Variants in RECQL observed in about 807,000 individuals in gnomAD.
RECQL encodes RecQ like helicase, also known as ATP-dependent DNA helicase Q1.
In RECQL, 73 loss-of-function variants were observed where a neutral mutation model predicts 75.8. The ratio of observed to expected loss-of-function variants is 0.96; its 90% CI spans 0.80 to 1.17. RECQL has a LOEUF of 1.17. Among genes scored for constraint, RECQL ranks in the 50% most tolerant of loss-of-function variants. The pLI is 0.00. For missense variants in RECQL, 699 were observed against 772.1 expected (o/e 0.91, Z 1.12); for synonymous variants, 248 against 254.4 (o/e 0.97, Z 0.24).
intron 10 of RECQL, 71 bp from the exon 11 acceptor site, chr12:21,475,050 G>A (rs1943056545): frequency 3.4e-6 from 5 of 1,488,478 alleles, no homozygotes; most frequent in Non-Finnish European, 4.6e-6. Context: ...ATGACATATG[G>A]TAAAATTAGC....
At chr12:21,479,416 G>A (rs376534374) in intron 6 of RECQL, among the ~76,000 whole-genome samples, 7 of 144,518 alleles carry the variant, frequency 4.8e-5, no homozygotes, top group Non-Finnish European at 8.9e-5. Flanking sequence ...GCAGTGACAC[G>A]ATCTTGGCTC....
At chr12:21,489,233 C>G (rs1943362932) in intron 4 of RECQL, among the ~76,000 whole-genome samples, 1 of 152,244 alleles carries the variant, frequency 6.6e-6, no homozygotes, top group African/African-American at 2.4e-5. Context: ...TGGAACACAG[C>G]TACACCCATG....
At chr12:21,478,745 G>T (rs1943134824) in intron 6 of RECQL, among the ~76,000 whole-genome samples, 1 of 152,166 alleles carries the variant, frequency 6.6e-6, no homozygotes, top group African/African-American at 2.4e-5. Context: ...TTCCAAGTTA[G>T]AGCTGACCCA....
intron 6 of RECQL, among the ~76,000 whole-genome samples, chr12:21,480,592 T>C (rs1472468162): frequency 1.3e-5 from 2 of 152,126 alleles, no homozygotes; most frequent in East Asian, 3.9e-4. Context: ...CTCTGCACAC[T>C]ACGCATCAGC....
intron 4 of RECQL, among the ~76,000 whole-genome samples, chr12:21,489,896 G>A (rs1943375718): frequency 1.3e-5 from 2 of 152,154 alleles, no homozygotes; most frequent in African/African-American, 2.4e-5. Flanking sequence ...GGCAAGGGCT[G>A]AAAAACTACC....
intron 12 of RECQL, 52 bp from the exon 13 acceptor site, chr12:21,471,699 A>G: frequency 7.1e-7 from 1 of 1,403,480 alleles, no homozygotes; most frequent in Non-Finnish European, 1.0e-6. Context: ...AAATGAGGGC[A>G]AAGATAGGCT....
In RECQL at chr12:21,490,179, T is replaced by C; in HGVS notation, c.394+20A>G. 2.0e-6 allele frequency: 3 copies of C among 1,488,460 alleles called. No homozygotes were observed. The highest frequency in any genetic ancestry group is 2.3e-5 in the East Asian group (1 of 43,800). 92.2% of individuals were successfully genotyped at this position (1,488,460 alleles called of 1,614,324 possible). A position where few individuals can be genotyped will look rare whatever the true frequency, so the allele number is the denominator to read the frequency against. ...GACAAAGCACTTCTTCAACTCAAAA[T>C]TAATTTTTTTAGTACATACCATCTG... On this transcript the variant is annotated intron_variant, in intron 4 of 14. Transcript: ENST00000444129.
At position 21,491,591 on chromosome 12, in the gene RECQL, G is replaced by A. The variant is rs772102674; in HGVS notation, c.142C>T (p.Gln48Ter). 4 of 1,612,428 alleles carry A rather than the reference G, an allele frequency of 2.5e-6. No homozygotes were observed. Among genetic ancestry groups the A allele is most frequent in the Non-Finnish European group, 3.4e-6 (4 of 1,179,766 alleles). The change falls in exon 3 of 15, where the codon CAG becomes TAG. Residue 48 changes from glutamine (Q) to a stop codon, truncating the protein, a stop_gained. Transcript: ENST00000444129. LOFTEE classifies it high-confidence loss of function. Reference protein sequence around the residue: ...KKKVLTKKIKQCLEDSDAGAS... With the variant: ...KKKVLTKKIK Reference sequence around the variant, plus strand: ...CCGGCATCAGAATCCTCTAAACACTGCTTTATTTTCTTTGTCAGGACTTTT... The same window carrying A: ...CCGGCATCAGAATCCTCTAAACACTACTTTATTTTCTTTGTCAGGACTTTT...
intron 11 of RECQL, 146 bp downstream of exon 11, chr12:21,474,695 G>T: frequency 2.9e-6 from 2 of 679,266 alleles, no homozygotes; most frequent in Non-Finnish European, 5.0e-6. Flanking sequence ...ACAGGTTGAT[G>T]TGCTGGTTCC....
Position 21,491,960 on chromosome 12 carries a change from G to A in RECQL, c.17-244C>T, listed in dbSNP as rs148968220. Among the ~76,000 whole-genome samples, 188 of 152,240 alleles carry A rather than the reference G, an allele frequency of 1.2e-3. 2 individuals are homozygous for A. Among genetic ancestry groups the A allele is most frequent in the Non-Finnish European group, 1.5e-3 (105 of 68,002 alleles). On this transcript the variant is annotated intron_variant, in intron 2 of 14. Coordinates refer to ENST00000444129, the MANE Select transcript of RECQL (RefSeq NM_002907.4). The stretch of plus-strand genomic sequence containing the variant: ...ATCCCCATTTCCCTTCCTGTAAAAT[G>A]GGGACAATATCTAACTTTCATAGTA...
intron 6 of RECQL, among the ~76,000 whole-genome samples, chr12:21,482,298 G>A (rs3213212): frequency 0.41 from 61,302 of 151,316 alleles, 12,779 homozygotes; most frequent in South Asian, 0.49. Flanking sequence ...ATGTTTGAAA[G>A]TAGAAAGAGG....
chr12:21,472,921 T>C (rs896947822), intron 12 of RECQL, among the ~76,000 whole-genome samples: 3 of 152,160 alleles, frequency 2.0e-5, no homozygotes, highest in Non-Finnish European at 4.4e-5. Context: ...AGCATTTCTA[T>C]TCAGAAAAAT....
chr12:21,474,717 A>T, intron 11 of RECQL, 124 bp downstream of exon 11: 1 of 873,092 alleles, frequency 1.1e-6, no homozygotes, highest in Non-Finnish European at 1.8e-6. Flanking sequence ...ACCCTCCAAC[A>T]TCTGCTTTTA....
chr12:21,489,735 T>C (rs1233767084), intron 4 of RECQL, among the ~76,000 whole-genome samples: 1 of 152,190 alleles, frequency 6.6e-6, no homozygotes, highest in East Asian at 1.9e-4. Flanking sequence ...AGGGTGAATA[T>C]GGTTAACAAT....
In RECQL at chr12:21,483,379, G is replaced by T. The variant is rs371196239; in HGVS notation, c.697C>A (p.Pro233Thr). 9 of 1,597,494 alleles carry T rather than the reference G, an allele frequency of 5.6e-6. No individual in the cohort carries two copies. The highest frequency in any genetic ancestry group is 7.7e-6 in the Non-Finnish European group (9 of 1,173,758). The stretch of plus-strand genomic sequence containing the variant: ...TTTCTAGATAAAACATACATACCAG[G>T]TCTGAAATCATGTCCCCACTGACTA... ...CCSQWGHDFRPDYKALGILKR... is the reference protein window; with the variant it reads ...CCSQWGHDFRTDYKALGILKR... The change falls in exon 6 of 15, where the codon CCT becomes ACT. Residue 233 changes from proline (P) to threonine (T), a missense_variant. Around this residue, in one of 2 missense-constraint regions of RECQL, gnomAD observed 669 missense variants for 713.5 expected, o/e 0.94. Coordinates refer to ENST00000444129, the MANE Select transcript of RECQL (RefSeq NM_002907.4).
At chr12:21,501,051 T>G (rs1371165328) in intron 1 of RECQL, 119 bp downstream of exon 1, 1 of 151,882 alleles carries the variant, frequency 6.6e-6, no homozygotes, top group Non-Finnish European at 1.5e-5. Context: ...TACCATAGGC[T>G]AAATCCTCTC....
chr12:21,499,469 C>T, intron 2 of RECQL, 86 bp downstream of exon 2: 1 of 1,245,500 alleles, frequency 8.0e-7, no homozygotes, highest in African/African-American at 1.5e-5. Flanking sequence ...TTTCTATAAT[C>T]AGAATTTTTA....
chr12:21,491,646 C>T lies in RECQL; in HGVS notation c.87G>A (p.Thr29=), dbSNP rs375011196. The T allele has an allele frequency of 1.5e-4, 240 of 1,613,590 alleles. 4 individuals are homozygous for T. The South Asian group carries it at 2.3e-3, about 15-fold the overall frequency. ...TCTGAATAAGCTCTTGTTGCCTTTC[C>T]GTAAGTTCTTGAATTTGAATTTCTA... is the stretch of plus-strand genomic sequence containing the variant. The part of the protein sequence containing the change: ...HAVEIQIQEL[T]ERQQELIQKK... The change falls in exon 3 of 15, where the codon ACG becomes ACA. Residue 29 remains threonine (T), a synonymous_variant. Transcript: ENST00000444129.
intron 1 of RECQL, 37 bp from the exon 2 acceptor site, chr12:21,499,652 A>T (rs896159783): frequency 3.6e-6 from 4 of 1,100,144 alleles, no homozygotes; most frequent in Middle Eastern, 4.1e-4. Context: ...ACAAGTTTTT[A>T]AAAATAGTAC....
Sources: gnomAD v4.1 joint callset for allele counts (sites outside exome capture counted in the v4.1 genomes callset) on GRCh38, gnomAD v4.1.1 for gene constraint, gnomAD v4.1.1 regional missense constraint, MANE v1.5 for transcripts, NCBI Gene and HGNC (gene_info 2026-07-23, HGNC 2026-07-21) for gene names.